MGAT5B: variants seen among roughly 807,000 people sequenced by gnomAD.
The protein encoded by MGAT5B is N-acetylglucosaminyl-transferase Vb.
Under a neutral mutation model 95.1 loss-of-function variants are expected in MGAT5B, and 54 were observed. The observed-to-expected ratio is 0.57, with a 90% CI of 0.46 to 0.71. The LOEUF (loss-of-function observed/expected upper bound fraction) is 0.71. Among genes scored for constraint, MGAT5B ranks in the 30% least tolerant of loss-of-function variants. MGAT5B has a pLI of 0.00. For synonymous variants in MGAT5B, 464 were observed against 451.0 expected (o/e 1.03, Z -0.36); for missense variants, 935 against 1,088.6 (o/e 0.86, Z 1.99).
rs1435298303 is a variant in MGAT5B, at chr17:76,902,583, C to G, written c.358C>G (p.Arg120Gly). 6.2e-7 allele frequency: 1 copy of G among 1,601,184 alleles called. No homozygotes were observed. Among genetic ancestry groups the G allele is most frequent in the African/African-American group, 1.3e-5 (1 of 74,678 alleles). ...GCCCCCTGGGGCCGGCCTCATGGAG[C>G]GGATCCAGGCTATTGCCCAGAACGT... ...RMPPGAGLME[R>G]IQAIAQNVSD... Residue 120 changes from arginine (R) to glycine (G), a missense_variant, in exon 4 of 18, where the codon CGG (arginine) becomes GGG (glycine). Arg to Gly is a moderately radical substitution (Grantham distance 125). Around this residue, in one of 4 missense-constraint regions of MGAT5B, gnomAD observed 243 missense variants for 228.2 expected, o/e 1.06. Coordinates refer to ENST00000569840, the MANE Select transcript of MGAT5B (RefSeq NM_001199172.2).
At chr17:76,872,662 T>C in intron 1 of MGAT5B, 189 bp from the exon 2 acceptor site, 1 of 1,486,456 alleles carries the variant, frequency 6.7e-7, no homozygotes, top group South Asian at 1.4e-5. Flanking sequence ...CATCTTGTAG[T>C]TGAGCTCTCT....
chr17:76,890,331 A>G (rs1036025096), intron 3 of MGAT5B, among the ~76,000 whole-genome samples: 2 of 152,266 alleles, frequency 1.3e-5, no homozygotes, highest in African/African-American at 2.4e-5. Context: ...GTGAGACCTC[A>G]CTTTGACTGA....
intron 8 of MGAT5B, among the ~76,000 whole-genome samples, chr17:76,919,730 T>C (rs1451736906): frequency 6.6e-6 from 1 of 152,228 alleles, no homozygotes; most frequent in Non-Finnish European, 1.5e-5. Flanking sequence ...TGTGCCGGGC[T>C]GGCTTTTTAC....
rs563034696 is a variant in MGAT5B, at chr17:76,912,503, C to T, written c.1025+6316C>T. On this transcript the variant is annotated intron_variant, in intron 8 of 17. Transcript: ENST00000569840. The surrounding 1 kb of genome is among the most constrained non-coding windows in gnomAD (Gnocchi z 5.0). ...CTGGCGAAATGACCTGCGTGGGAGG[C>T]GGTGGGACAAAGACGCGGCTTGTAC... Among the ~76,000 whole-genome samples the T allele has an allele frequency of 3.2e-4, 48 of 152,222 alleles. No individual in the cohort carries two copies. The highest frequency in any genetic ancestry group is 7.7e-4 in the African/African-American group (32 of 41,526).
chr17:76,915,204 AGGAG>A lies in MGAT5B; in HGVS notation c.1025+9022_1025+9025del, dbSNP rs1385402782. Among the ~76,000 whole-genome samples the A allele has an allele frequency of 1.3e-5, 2 of 152,012 alleles. No individual in the cohort carries two copies. The highest frequency in any genetic ancestry group is 1.3e-4 in the Admixed American group (2 of 15,278). ...AGAACAGTAGGGAGGTTGTGGACAT[AGGAG>A]GGAGAGAGTATTGCTGGCAGTGGCT... is the stretch of plus-strand genomic sequence containing the variant. On this transcript the variant is annotated intron_variant, in intron 8 of 17. Coordinates refer to ENST00000569840, the MANE Select transcript of MGAT5B (RefSeq NM_001199172.2). This position sits in a 1 kb window ranked among gnomAD's most constrained non-coding sequence, Gnocchi z 8.7.
intron 15 of MGAT5B, among the ~76,000 whole-genome samples, chr17:76,942,383 T>C (rs1969889002): frequency 6.6e-6 from 1 of 151,770 alleles, no homozygotes; most frequent in South Asian, 2.1e-4. Flanking sequence ...CAAAAAGAAA[T>C]TTAGACAGGC....
At position 76,917,708 on chromosome 17, in the gene MGAT5B, T is replaced by G. The variant is rs1401824816; in HGVS notation, c.1026-7258T>G. Among the ~76,000 whole-genome samples the G allele has an allele frequency of 6.6e-6, 1 of 151,942 alleles. No individual in the cohort carries two copies. Among genetic ancestry groups the G allele is most frequent in the Non-Finnish European group, 1.5e-5 (1 of 67,992 alleles). On this transcript the variant is annotated intron_variant, in intron 8 of 17. Coordinates refer to ENST00000569840, the MANE Select transcript of MGAT5B (RefSeq NM_001199172.2). This position sits in a 1 kb window ranked among gnomAD's most constrained non-coding sequence, Gnocchi z 6.1. ...TCTTACCCCAAGGTCCCTGCACAGG[T>G]TGGTTCTCAGCAAAGGTTGGTGGAA... is the stretch of plus-strand genomic sequence containing the variant.
At chr17:76,933,262 T>C in intron 11 of MGAT5B, 30 bp from the exon 12 acceptor site, 7 of 1,598,306 alleles carry the variant, frequency 4.4e-6, no homozygotes, top group Non-Finnish European at 5.9e-6. Context: ...TCTCTCTCTG[T>C]TCCTTGTGCT....
rs754324770 is a variant in MGAT5B at position 76,925,096 on chromosome 17, C to A, written c.1156C>A (p.Arg386=). Residue 386 remains arginine (R), a splice_region_variant and synonymous_variant, in exon 9 of 18, where the codon CGG becomes AGG. Transcript: ENST00000569840. The part of the protein sequence containing the change: ...RHMGLSFKKY[R]CRIRVIDTFG... ...CATGGGACTCTCCTTCAAGAAGTAC[C>A]GGTGAGAGGGCGGCCAGAGGGTGGG... The A allele has an allele frequency of 6.2e-7, 1 of 1,610,772 alleles. No homozygotes were observed. Among genetic ancestry groups the A allele is most frequent in the Admixed American group, 1.7e-5 (1 of 59,840 alleles).
Position 76,938,554 on chromosome 17 carries a change from GTGAC to G in MGAT5B, c.1584+414_1584+417del, listed in dbSNP as rs2145271364. On this transcript the variant is annotated intron_variant, in intron 13 of 17. Coordinates refer to ENST00000569840, the MANE Select transcript of MGAT5B (RefSeq NM_001199172.2). The surrounding 1 kb of genome is among the most constrained non-coding windows in gnomAD (Gnocchi z 4.3). ...AGTGCCATTGAGCCACTAGTCCTGA[GTGAC>G]TGCTTCAGGGGTCCCTGAGCTGTAC... Among the ~76,000 whole-genome samples, 1 of 152,340 alleles carries G rather than the reference GTGAC, an allele frequency of 6.6e-6. No homozygotes were observed. Among genetic ancestry groups the G allele is most frequent in the Non-Finnish European group, 1.5e-5 (1 of 68,036 alleles).
chr17:76,882,284 CT>C lies in MGAT5B; in HGVS notation c.318del (p.Ala108GlnfsTer26). On this transcript the variant is annotated frameshift_variant, in exon 3 of 18. Transcript: ENST00000569840. LOFTEE classifies it high-confidence loss of function. ...TGCACCGGGCCGGCGGCGACCTGCA[CT>C]TTCCCGCAGACAGGTGAGGGGACGT... ...ELHRAGGDLHFPADRMPPGAG... is the reference protein window; with the variant it reads ...ELHRAGGDLHXPADRMPPGAG... 6.2e-7 allele frequency: 1 copy of C among 1,612,138 alleles called. No homozygotes were observed. The highest frequency in any genetic ancestry group is 8.5e-7 in the Non-Finnish European group (1 of 1,179,466).
chr17:76,926,855 G>A (rs1969330774), intron 10 of MGAT5B, 125 bp downstream of exon 10: 2 of 1,210,382 alleles, frequency 1.7e-6, no homozygotes, highest in African/African-American at 1.5e-5. Flanking sequence ...GGGTTGGTGG[G>A]ACCCAGCAAG....
intron 15 of MGAT5B, among the ~76,000 whole-genome samples, chr17:76,941,629 G>A (rs2145279701): frequency 6.6e-6 from 1 of 152,358 alleles, no homozygotes; most frequent in African/African-American, 2.4e-5. Context: ...GGAGGCCGAG[G>A]CGGGCAGCTC....
chr17:76,916,172 T>TGCTGC lies in MGAT5B; in HGVS notation c.1026-8794_1026-8793insGCTGC, dbSNP rs1567811945. On this transcript the variant is annotated intron_variant, in intron 8 of 17. Coordinates refer to ENST00000569840, the MANE Select transcript of MGAT5B (RefSeq NM_001199172.2). This position sits in a 1 kb window ranked among gnomAD's most constrained non-coding sequence, Gnocchi z 5.3. Reference sequence around the variant, plus strand: ...GCCTCGTCTCCCCTTATGCTCCACATAGCTGCACTGCCCTGGCCCCTGCCC... The same window carrying TGCTGC: ...GCCTCGTCTCCCCTTATGCTCCACATGCTGCAGCTGCACTGCCCTGGCCCCTGCCC... Among the ~76,000 whole-genome samples the TGCTGC allele has an allele frequency of 6.8e-6, 1 of 147,000 alleles. No individual in the cohort carries two copies. The highest frequency in any genetic ancestry group is 2.7e-5 in the African/African-American group (1 of 37,380).
At chr17:76,897,399 G>A (rs569949137) in intron 3 of MGAT5B, among the ~76,000 whole-genome samples, 1 of 152,352 alleles carries the variant, frequency 6.6e-6, no homozygotes, top group East Asian at 1.9e-4. Flanking sequence ...GCAGGGCCGT[G>A]TTCCTTCCAA....
Position 76,906,125 on chromosome 17 carries a change from G to C in MGAT5B, c.963G>C (p.Leu321=). Residue 321 remains leucine, a synonymous_variant, in exon 8 of 18, where the codon CTG becomes CTC. Transcript: ENST00000569840. The surrounding 1 kb of genome is among the most constrained non-coding windows in gnomAD (Gnocchi z 4.6). ...AGATGGTGCAGTGGGCGGACATTCT[G>C]ACTGCACTCTATGTCCTGGGCCATG... ...LGEMVQWADI[L]TALYVLGHGL... The C allele has an allele frequency of 6.2e-7, 1 of 1,608,372 alleles. No homozygotes were observed. Among genetic ancestry groups the C allele is most frequent in the South Asian group, 1.1e-5 (1 of 90,610 alleles).
At chr17:76,881,287 A>G (rs1423913064) in intron 2 of MGAT5B, among the ~76,000 whole-genome samples, 1 of 152,110 alleles carries the variant, frequency 6.6e-6, no homozygotes, top group Admixed American at 6.5e-5. Flanking sequence ...TTTCTTCTTC[A>G]TAAGGTCTCC....
At position 76,940,516 on chromosome 17, in the gene MGAT5B, G is replaced by A. The variant is rs751810926; in HGVS notation, c.1699G>A (p.Glu567Lys). 3.1e-6 allele frequency: 5 copies of A among 1,613,316 alleles called. No homozygotes were observed. The highest frequency in any genetic ancestry group is 2.2e-5 in the East Asian group (1 of 44,866). Reference sequence around the variant, plus strand: ...CCCGCCCCACAGCTCCCTCAACCACGAGTTCTTCCGAGGCAAGCCCACCTC... The same window carrying A: ...CCCGCCCCACAGCTCCCTCAACCACAAGTTCTTCCGAGGCAAGCCCACCTC... The part of the protein sequence containing the change: ...FSPPHSSLNH[E>K]FFRGKPTSRE... Residue 567 changes from glutamate (E) to lysine (K), a missense_variant, in exon 14 of 18, where the codon GAG (glutamate) becomes AAG (lysine). Physicochemically the swap from Glu to Lys is moderately conservative, Grantham distance 56. This residue lies in a region of MGAT5B where 440 missense variants were observed against 523.6 expected (regional missense o/e 0.84). Coordinates refer to ENST00000569840, the MANE Select transcript of MGAT5B (RefSeq NM_001199172.2). This position sits in a 1 kb window ranked among gnomAD's most constrained non-coding sequence, Gnocchi z 4.3.
chr17:76,925,076 G>C lies in MGAT5B; in HGVS notation c.1136G>C (p.Gly379Ala), dbSNP rs764538000. ...CTGCAGCAGATGAAGCGGCACATGGGACTCTCCTTCAAGAAGTACCGGTGA... is the reference window on the plus strand; with the variant it reads ...CTGCAGCAGATGAAGCGGCACATGGCACTCTCCTTCAAGAAGTACCGGTGA... ...HGLQQMKRHM[G>A]LSFKKYRCRI... The change falls in exon 9 of 18, where the codon GGA becomes GCA. Residue 379 changes from glycine (G) to alanine (A), a missense_variant. Transcript: ENST00000569840. The C allele has an allele frequency of 6.2e-7, 1 of 1,611,344 alleles. No individual in the cohort carries two copies. Among genetic ancestry groups the C allele is most frequent in the Non-Finnish European group, 8.5e-7 (1 of 1,179,334 alleles).
Sources: allele counts gnomAD v4.1 joint callset (sites outside exome capture counted in the v4.1 genomes callset), GRCh38; gene constraint gnomAD v4.1.1; regional missense constraint gnomAD v4.1.1; non-coding constraint Gnocchi (gnomAD v3.1); transcripts MANE v1.5; gene names NCBI Gene and HGNC (gene_info 2026-07-23, HGNC 2026-07-21).